CNST: variants seen among roughly 807,000 people sequenced by gnomAD.
The protein encoded by CNST is consortin.
CNST carries 39 observed loss-of-function variants against 72.4 expected under a neutral mutation model. The observed-to-expected ratio is 0.54, with a 90% CI of 0.42 to 0.70. CNST has a LOEUF of 0.70. Among genes scored for constraint, CNST ranks in the 30% least tolerant of loss-of-function variants. The probability of loss-of-function intolerance (pLI) is 0.00; values close to 1 mark genes in which losing one functional copy is unlikely to be tolerated. For missense variants in CNST, 871 were observed against 868.5 expected (o/e 1.00, Z -0.04); for synonymous variants, 332 against 320.1 (o/e 1.04, Z -0.40).
intron 2 of CNST, among the ~76,000 whole-genome samples, chr1:246,610,937 T>G (rs960246485): frequency 6.6e-6 from 1 of 152,172 alleles, no homozygotes; most frequent in Admixed American, 6.5e-5. Flanking sequence ...GTATTTTTTT[T>G]GCACCCCTCC....
chr1:246,579,055 C>T (rs915689041), intron 1 of CNST, among the ~76,000 whole-genome samples: 6 of 152,210 alleles, frequency 3.9e-5, no homozygotes, highest in African/African-American at 1.2e-4. Context: ...TCTGGTATTA[C>T]GGTCACTTCT....
At chr1:246,639,003 T>C (rs1261380162) in intron 6 of CNST, among the ~76,000 whole-genome samples, 1 of 152,074 alleles carries the variant, frequency 6.6e-6, no homozygotes, top group Non-Finnish European at 1.5e-5. Flanking sequence ...TTGAATAAAC[T>C]GTTAGGTTGG....
intron 3 of CNST, among the ~76,000 whole-genome samples, chr1:246,627,054 C>T (rs968110654): frequency 3.3e-5 from 5 of 152,184 alleles, no homozygotes; most frequent in South Asian, 2.1e-4. Flanking sequence ...GCTACCATTT[C>T]CGTACAGGAT....
At chr1:246,638,304 C>T (rs1350331494) in intron 6 of CNST, among the ~76,000 whole-genome samples, 3 of 152,144 alleles carry the variant, frequency 2.0e-5, no homozygotes, top group South Asian at 2.1e-4. Context: ...TGGCCTTGCA[C>T]GGTTGTAGGG....
chr1:246,659,574 G>A (rs528538700), intron 9 of CNST, among the ~76,000 whole-genome samples: 10 of 150,468 alleles, frequency 6.6e-5, no homozygotes, highest in East Asian at 5.8e-4. Flanking sequence ...CAGCCTGGGC[G>A]ACAGAGCAAG....
At position 246,667,472 on chromosome 1, in the gene CNST, A is replaced by G. The variant is rs1667435559; in HGVS notation, c.*1567A>G. ...AATTGATGTTTCATTTTCACTTATA[A>G]TACTGTTTGACTTGTCTCTATCATG... On this transcript the variant is annotated 3_prime_UTR_variant, in exon 11 of 11. Coordinates refer to ENST00000366513, the MANE Select transcript of CNST (RefSeq NM_152609.3). The G allele has an allele frequency of 6.6e-6, 1 of 152,130 alleles. No homozygotes were observed. The highest frequency in any genetic ancestry group is 2.4e-5 in the African/African-American group (1 of 41,416). The allele number at this position is 152,130 out of a possible 1,614,324, so 9.4% of individuals were successfully genotyped here.
At chr1:246,651,068 G>T (rs772969098) in intron 9 of CNST, among the ~76,000 whole-genome samples, 42 of 152,072 alleles carry the variant, frequency 2.8e-4, no homozygotes, top group Non-Finnish European at 3.7e-4. Context: ...GAAATCAGAT[G>T]ATGTTGTTGG....
chr1:246,625,276 G>A (rs1396909605), intron 3 of CNST, among the ~76,000 whole-genome samples: 1 of 152,108 alleles, frequency 6.6e-6, no homozygotes, highest in Non-Finnish European at 1.5e-5. Context: ...TTAGTCTCCT[G>A]TAATCCAGAA....
chr1:246,633,422 C>T (rs1664905051), intron 4 of CNST, among the ~76,000 whole-genome samples: 1 of 147,270 alleles, frequency 6.8e-6, no homozygotes, highest in African/African-American at 2.5e-5. Context: ...GCACTCCAGC[C>T]TCGGTGACAG....
At chr1:246,598,851 A>G (rs895953984) in intron 2 of CNST, among the ~76,000 whole-genome samples, 3 of 152,116 alleles carry the variant, frequency 2.0e-5, no homozygotes, top group African/African-American at 4.8e-5. Context: ...AACCCATTCT[A>G]CTCACTAGGT....
In CNST at chr1:246,667,127, A is replaced by G. The variant is rs1454975425; in HGVS notation, c.*1222A>G. 6.6e-6 allele frequency: 1 copy of G among 152,058 alleles called. No homozygotes were observed. Among genetic ancestry groups the G allele is most frequent in the Non-Finnish European group, 1.5e-5 (1 of 68,020 alleles). 9.4% of individuals were successfully genotyped at this position (152,058 alleles called of 1,614,324 possible). Reference sequence around the variant, plus strand: ...CTTTGACTTTATCGGGCAGCATTAAAAAAAAAACAACAAAGAAAAACCAAA... The same window carrying G: ...CTTTGACTTTATCGGGCAGCATTAAGAAAAAAACAACAAAGAAAAACCAAA... On this transcript the variant is annotated 3_prime_UTR_variant, in exon 11 of 11. Transcript: ENST00000366513.
intron 8 of CNST, 133 bp from the exon 9 acceptor site, chr1:246,647,006 A>G (rs1319840330): frequency 2.6e-6 from 2 of 782,968 alleles, no homozygotes; most frequent in African/African-American, 1.8e-5. Context: ...AGACACTATT[A>G]TGCAACAGAC....
chr1:246,612,403 A>G (rs980247798), intron 2 of CNST, among the ~76,000 whole-genome samples: 1 of 152,056 alleles, frequency 6.6e-6, no homozygotes, highest in Non-Finnish European at 1.5e-5. Context: ...GAGTTTCGCC[A>G]TGTTGGGCAG....
intron 8 of CNST, among the ~76,000 whole-genome samples, chr1:246,643,674 G>T (rs1216373465): frequency 1.3e-5 from 2 of 152,146 alleles, no homozygotes; most frequent in Non-Finnish European, 2.9e-5. Context: ...ATTATCAAAG[G>T]CTTCAACAAT....
At position 246,666,748 on chromosome 1, in the gene CNST, G is replaced by T. The variant is rs931633186; in HGVS notation, c.*843G>T. The stretch of plus-strand genomic sequence containing the variant: ...AAGCTTCCTGAAATCATGAATGCTG[G>T]ACTCAGTTTGGCAAACGCTTACACC... On this transcript the variant is annotated 3_prime_UTR_variant, in exon 11 of 11. Transcript: ENST00000366513. 6.6e-6 allele frequency: 1 copy of T among 152,180 alleles called. No homozygotes were observed. The highest frequency in any genetic ancestry group is 1.5e-5 in the Non-Finnish European group (1 of 68,032). 9.4% of individuals were successfully genotyped at this position (152,180 alleles called of 1,614,324 possible). A position where few individuals can be genotyped will look rare whatever the true frequency, so the allele number is the denominator to read the frequency against.
chr1:246,614,126 T>G (rs570947641), intron 2 of CNST, among the ~76,000 whole-genome samples: 28 of 151,512 alleles, frequency 1.8e-4, no homozygotes, highest in East Asian at 9.7e-4. Flanking sequence ...ATATTTCAGG[T>G]TTTTTTTTGA....
intron 3 of CNST, among the ~76,000 whole-genome samples, chr1:246,626,333 G>A (rs961618044): frequency 6.6e-6 from 1 of 151,864 alleles, no homozygotes; most frequent in Non-Finnish European, 1.5e-5. Flanking sequence ...TTTCAGGCAT[G>A]AGCCACTGCA....
At chr1:246,586,109 A>ATGTGTG (rs371447612) in intron 1 of CNST, among the ~76,000 whole-genome samples, 2,540 of 122,050 alleles carry the variant, frequency 0.021, 46 homozygotes, top group African/African-American at 0.044. Flanking sequence ...ATATATATAT[A>ATGTGTG]TATGTGTGTG....
At position 246,591,496 on chromosome 1, in the gene CNST, CTT is replaced by C. The variant is rs1391255572; in HGVS notation, c.-51-12_-51-11del. On this transcript the variant is annotated splice_polypyrimidine_tract_variant and intron_variant, in intron 1 of 10. Coordinates refer to ENST00000366513, the MANE Select transcript of CNST (RefSeq NM_152609.3). ...GGTTAGAAAATGAAGTAGCTTTTTT[CTT>C]TTTGTCATTGTAGACATGGAAGGTC... 32 of 1,558,408 alleles carry C rather than the reference CTT, an allele frequency of 2.1e-5. No individual in the cohort carries two copies. The highest frequency in any genetic ancestry group is 2.7e-5 in the Non-Finnish European group (31 of 1,149,610).
Sources: allele counts gnomAD v4.1 joint callset (sites outside exome capture counted in the v4.1 genomes callset), GRCh38; gene constraint gnomAD v4.1.1; transcripts MANE v1.5; gene names NCBI Gene and HGNC (gene_info 2026-07-23, HGNC 2026-07-21).